LRCH3: variants seen among roughly 807,000 people sequenced by gnomAD.
LRCH3 encodes the protein leucine rich repeats and calponin homology domain containing 3.
In LRCH3, 68 loss-of-function variants were observed where a neutral mutation model predicts 104.5. The ratio of observed to expected loss-of-function variants is 0.65; its 90% confidence interval spans 0.54 to 0.80. The LOEUF (loss-of-function observed/expected upper bound fraction) is 0.80. LRCH3 is among the 30% of genes least tolerant of loss of function. The pLI is 0.00. For missense variants in LRCH3, 951 were observed against 953.9 expected (o/e 1.00, Z 0.04); for synonymous variants, 344 against 361.3 (o/e 0.95, Z 0.54).
chr3:197,857,933 C>G (rs1460686927), intron 14 of LRCH3, among the ~76,000 whole-genome samples: 1 of 152,132 alleles, frequency 6.6e-6, no homozygotes, highest in Non-Finnish European at 1.5e-5. Context: ...CATATACATA[C>G]CTTTTCCTAA....
intron 10 of LRCH3, among the ~76,000 whole-genome samples, chr3:197,845,656 G>A (rs551623284): frequency 1.3e-5 from 2 of 152,216 alleles, no homozygotes; most frequent in South Asian, 4.1e-4. Flanking sequence ...TGTAATCCCA[G>A]CACTTTGGGA....
At chr3:197,815,836 G>T (rs1258134955) in intron 2 of LRCH3, among the ~76,000 whole-genome samples, 2 of 152,054 alleles carry the variant, frequency 1.3e-5, no homozygotes, top group Admixed American at 6.6e-5. Context: ...TGCAAATGTG[G>T]AAAAATATAA....
At chr3:197,832,175 A>G in intron 7 of LRCH3, 22 bp from the exon 8 acceptor site, 1 of 1,604,328 alleles carries the variant, frequency 6.2e-7, no homozygotes, top group Non-Finnish European at 8.5e-7. Flanking sequence ...ATTGTTTTTA[A>G]TGTTTCTGCT....
At chr3:197,879,357 C>T (rs1962988) in intron 20 of LRCH3, among the ~76,000 whole-genome samples, 13 of 152,160 alleles carry the variant, frequency 8.5e-5, no homozygotes, top group Admixed American at 8.5e-4. Flanking sequence ...TTAAAATAGA[C>T]ACCCCCTGGC....
chr3:197,839,375 A>G lies in LRCH3; in HGVS notation c.1306A>G (p.Arg436Gly). The change falls in exon 10 of 21, where the codon AGA becomes GGA. Residue 436 changes from arginine (R) to glycine (G), a missense_variant. Physicochemically the swap from Arg to Gly is moderately radical, Grantham distance 125 (BLOSUM62 -2). Coordinates refer to ENST00000425562, the MANE Select transcript of LRCH3 (RefSeq NM_001365715.1). ...GGAGTTTCAAAAAACAGAAGATATG[A>G]GAAGATATTTACATCAAAACAGGTT... is the stretch of plus-strand genomic sequence containing the variant. ...IREFQKTEDM[R>G]RYLHQNRVPA... 1 of 1,595,482 alleles carries G rather than the reference A, an allele frequency of 6.3e-7. No individual in the cohort carries two copies. The highest frequency in any genetic ancestry group is 1.1e-5 in the South Asian group (1 of 88,104).
Position 197,847,459 on chromosome 3 carries a change from A to C in LRCH3, c.1379A>C (p.Gln460Pro). Residue 460 changes from glutamine to proline, a missense_variant and splice_region_variant, in exon 11 of 21, where the codon CAG (glutamine) becomes CCG (proline). Physicochemically the swap from Gln to Pro is moderately conservative, Grantham distance 76. Transcript: ENST00000425562. Reference sequence around the variant, plus strand: ...CTGTCACTATCAGCAAGTCACAATCAGGTAATGTTTAGTAGTTGTGTTTAT... The same window carrying C: ...CTGTCACTATCAGCAAGTCACAATCCGGTAATGTTTAGTAGTTGTGTTTAT... Reference protein sequence around the residue: ...SLLSLSASHNQLSHTDLELHQ... With the variant: ...SLLSLSASHNPLSHTDLELHQ... The C allele has an allele frequency of 6.2e-7, 1 of 1,601,966 alleles. No homozygotes were observed. Among genetic ancestry groups the C allele is most frequent in the Non-Finnish European group, 8.5e-7 (1 of 1,175,960 alleles).
At chr3:197,814,855 A>C (rs1733624732) in intron 1 of LRCH3, 53 bp from the exon 2 acceptor site, 1 of 1,436,502 alleles carries the variant, frequency 7.0e-7, no homozygotes, top group Non-Finnish European at 9.4e-7. Flanking sequence ...AAAAGATTTC[A>C]ATAAAATAAG....
chr3:197,816,854 T>C (rs185245690), intron 2 of LRCH3, among the ~76,000 whole-genome samples: 17 of 152,202 alleles, frequency 1.1e-4, no homozygotes, highest in African/African-American at 3.9e-4. Context: ...AATGTTACTT[T>C]AATAAAATAA....
intron 3 of LRCH3, among the ~76,000 whole-genome samples, chr3:197,817,724 C>A (rs1471871704): frequency 1.3e-5 from 2 of 152,008 alleles, no homozygotes; most frequent in East Asian, 3.9e-4. Flanking sequence ...AGGGGAATGG[C>A]ACTACAAAGG....
At position 197,854,517 on chromosome 3, in the gene LRCH3, C is replaced by A; in HGVS notation, c.1644+72C>A. 7.5e-7 allele frequency: 1 copy of A among 1,335,402 alleles called. No individual in the cohort carries two copies. The highest frequency in any genetic ancestry group is 1.1e-6 in the Non-Finnish European group (1 of 926,202). The allele number at this position is 1,335,402 out of a possible 1,614,324, so 82.7% of individuals were successfully genotyped here. A position where few individuals can be genotyped will look rare whatever the true frequency, so the allele number is the denominator to read the frequency against. ...ATTGTACTTTTTATTCAGAAACTAT[C>A]TAAATACCATAAAACATGATGAACA... On this transcript the variant is annotated intron_variant, in intron 14 of 20. Transcript: ENST00000425562. This position sits in a 1 kb window ranked among gnomAD's most constrained non-coding sequence, Gnocchi z 4.5.
chr3:197,820,471 T>G (rs777981068), intron 4 of LRCH3, 41 bp downstream of exon 4: 1 of 1,329,474 alleles, frequency 7.5e-7, no homozygotes, highest in Non-Finnish European at 1.1e-6. Flanking sequence ...ATAATTGTTT[T>G]ATTATTTTAA....
At chr3:197,833,040 C>G (rs1255603169) in intron 8 of LRCH3, among the ~76,000 whole-genome samples, 3 of 152,062 alleles carry the variant, frequency 2.0e-5, no homozygotes, top group African/African-American at 7.2e-5. Flanking sequence ...TGTCCTTTTC[C>G]TTACCATCTT....
At chr3:197,840,683 G>GC (rs1335153917) in intron 10 of LRCH3, among the ~76,000 whole-genome samples, 1 of 152,036 alleles carries the variant, frequency 6.6e-6, no homozygotes, top group Non-Finnish European at 1.5e-5. Context: ...AAGGTAACTC[G>GC]GGGGACTGAG....
rs1159531148 is a variant in LRCH3 at position 197,803,923 on chromosome 3, TG to T, written c.263-10981del. ...CTTAGTTAATTTAACCCATATGATA[TG>T]GGGCGACCAAATTGAATACTTTCAA... On this transcript the variant is annotated intron_variant, in intron 1 of 20. Transcript: ENST00000425562. Among the ~76,000 whole-genome samples the T allele has an allele frequency of 3.3e-5, 5 of 152,202 alleles. No individual in the cohort carries two copies. In the East Asian group the frequency reaches 9.7e-4, roughly 29 times the overall value.
At chr3:197,841,998 A>T (rs1338528080) in intron 10 of LRCH3, among the ~76,000 whole-genome samples, 1 of 151,804 alleles carries the variant, frequency 6.6e-6, no homozygotes, top group East Asian at 1.9e-4. Context: ...TACTCAGCAA[A>T]TTTTTTGTTA....
chr3:197,842,940 C>T (rs1738023438), intron 10 of LRCH3, among the ~76,000 whole-genome samples: 1 of 151,710 alleles, frequency 6.6e-6, no homozygotes, highest in South Asian at 2.1e-4. Flanking sequence ...CAAAAATTAG[C>T]CGGGTGTGGT....
chr3:197,838,066 A>C (rs1036489356), intron 9 of LRCH3, among the ~76,000 whole-genome samples: 6 of 152,024 alleles, frequency 3.9e-5, no homozygotes, highest in African/African-American at 9.7e-5. Context: ...TATCCAAAAA[A>C]AAAAAACTAG....
chr3:197,821,764 TCTCA>T (rs1472973796), intron 4 of LRCH3, among the ~76,000 whole-genome samples: 1 of 152,238 alleles, frequency 6.6e-6, no homozygotes, highest in African/African-American at 2.4e-5. Context: ...AGCCTCGACC[TCTCA>T]GGTTTAGGTG....
chr3:197,859,554 A>G (rs1276125394), intron 15 of LRCH3: 1 of 152,248 alleles, frequency 6.6e-6, no homozygotes, highest in Non-Finnish European at 1.5e-5. Flanking sequence ...AATTTAATCT[A>G]AACTCTAAAA....
Sources: allele counts gnomAD v4.1 joint callset (sites outside exome capture counted in the v4.1 genomes callset), GRCh38; gene constraint gnomAD v4.1.1; non-coding constraint Gnocchi (gnomAD v3.1); transcripts MANE v1.5; gene names NCBI Gene and HGNC (gene_info 2026-07-23, HGNC 2026-07-21).